Variants in HAT1 observed in about 807,000 individuals in gnomAD.
HAT1 encodes the protein histone acetyltransferase type B catalytic subunit.
Under a neutral mutation model 56.6 loss-of-function variants are expected in HAT1, and 20 were observed. The observed-to-expected ratio is 0.35, with a 90% CI of 0.25 to 0.51. The LOEUF (loss-of-function observed/expected upper bound fraction) is 0.51, where lower values mean the gene tolerates loss of function less well. Among genes scored for constraint, HAT1 ranks in the 20% least tolerant of loss-of-function variants. The pLI is 0.95. For missense variants in HAT1, 408 were observed against 504.3 expected, an observed-to-expected ratio of 0.81 and a Z score of 1.83; for synonymous variants, 146 against 165.5, an observed-to-expected ratio of 0.88 and a Z score of 0.91.
intron 3 of HAT1, among the ~76,000 whole-genome samples, chr2:171,951,181 G>A (rs1041837696): frequency 1.3e-5 from 2 of 152,118 alleles, no homozygotes; most frequent in Non-Finnish European, 1.5e-5. Context: ...CATTATTGAT[G>A]TATCAGATTA....
chr2:171,958,257 G>T (rs537994335), intron 4 of HAT1, among the ~76,000 whole-genome samples: 3 of 151,804 alleles, frequency 2.0e-5, no homozygotes, highest in Admixed American at 6.6e-5. Context: ...CTGATTAAAA[G>T]ATGTTAGGAA....
chr2:171,965,270 A>G (rs1263292798), intron 4 of HAT1, 68 bp from the exon 5 acceptor site: 9 of 935,932 alleles, frequency 9.6e-6, no homozygotes, highest in Non-Finnish European at 1.4e-5. Context: ...TGTCAGTTTT[A>G]AAGAAATAAA....
intron 2 of HAT1, 109 bp downstream of exon 2, chr2:171,925,750 A>G (rs765934069): frequency 2.6e-4 from 151 of 580,420 alleles, no homozygotes; most frequent in Middle Eastern, 4.4e-4. Context: ...ATTTATGCAA[A>G]TGTATGGTTT....
chr2:171,942,789 A>T (rs143579218), intron 2 of HAT1, among the ~76,000 whole-genome samples: 114 of 152,222 alleles, frequency 7.5e-4, no homozygotes, highest in Middle Eastern at 3.4e-3. Context: ...ACCAAATTTT[A>T]TGGGAAAATA....
intron 2 of HAT1, among the ~76,000 whole-genome samples, chr2:171,938,429 T>G (rs541719330): frequency 6.6e-6 from 1 of 152,286 alleles, no homozygotes; most frequent in African/African-American, 2.4e-5. Context: ...CATTGTACAC[T>G]TTTTCTATTT....
At chr2:171,957,543 C>T (rs374374624) in intron 4 of HAT1, among the ~76,000 whole-genome samples, 1 of 152,240 alleles carries the variant, frequency 6.6e-6, no homozygotes, top group South Asian at 2.1e-4. Context: ...AGAGGTGTGA[C>T]TTTTGAACTG....
chr2:171,954,807 C>T (rs539823857), intron 4 of HAT1, among the ~76,000 whole-genome samples: 185 of 152,268 alleles, frequency 1.2e-3, no homozygotes, highest in Non-Finnish European at 1.5e-3. Flanking sequence ...AAAAGCACTT[C>T]GCTGATGTAA....
chr2:171,930,377 C>T (rs988421514), intron 2 of HAT1, among the ~76,000 whole-genome samples: 3 of 152,064 alleles, frequency 2.0e-5, no homozygotes, highest in African/African-American at 7.2e-5. Context: ...GCCTTGTTAC[C>T]CAGACTGGTC....
intron 7 of HAT1, 113 bp from the exon 8 acceptor site, chr2:171,966,730 A>T (rs1006166078): frequency 3.1e-6 from 2 of 646,012 alleles, no homozygotes; most frequent in Middle Eastern, 4.1e-4. Context: ...TCAAAGGTGG[A>T]TTGAAAAAAA....
intron 3 of HAT1, among the ~76,000 whole-genome samples, chr2:171,949,008 T>C (rs892597561): frequency 1.3e-5 from 2 of 152,134 alleles, no homozygotes; most frequent in Admixed American, 6.6e-5. Context: ...ACCGAAAATA[T>C]CCTGTTTTCC....
rs1687858116 is a variant in HAT1, at chr2:171,973,016, C to T, written c.824-3141C>T. On this transcript the variant is annotated intron_variant, in intron 8 of 10. Coordinates refer to ENST00000264108, the MANE Select transcript of HAT1 (RefSeq NM_003642.4). ...GGGTTCTTCATGTCAATGAGCTGTT[C>T]TGTGCCTTTGTACTTTTGTTGGCAG... Among the ~76,000 whole-genome samples the T allele has an allele frequency of 2.0e-5, 3 of 152,292 alleles. No individual in the cohort carries two copies. The South Asian group carries it at 6.2e-4, about 32-fold the overall frequency.
intron 2 of HAT1, among the ~76,000 whole-genome samples, chr2:171,940,838 G>C (rs1436371243): frequency 6.6e-6 from 1 of 152,138 alleles, no homozygotes; most frequent in Non-Finnish European, 1.5e-5. Flanking sequence ...TTTAAATGCA[G>C]CTTTCTTTTT....
At position 171,979,235 on chromosome 2, in the gene HAT1, G is replaced by A; in HGVS notation, c.976-12G>A. ...TTTGAAAATGTTCGCATTTTCTTTTGTTTCATTCTAGCAACACGCTAGAAG... is the reference window on the plus strand; with the variant it reads ...TTTGAAAATGTTCGCATTTTCTTTTATTTCATTCTAGCAACACGCTAGAAG... On this transcript the variant is annotated splice_polypyrimidine_tract_variant and intron_variant, in intron 9 of 10. Coordinates refer to ENST00000264108, the MANE Select transcript of HAT1 (RefSeq NM_003642.4). The A allele has an allele frequency of 7.8e-7, 1 of 1,289,736 alleles. No homozygotes were observed. Among genetic ancestry groups the A allele is most frequent in the Non-Finnish European group, 1.1e-6 (1 of 914,210 alleles). 79.9% of individuals were successfully genotyped at this position (1,289,736 alleles called of 1,614,324 possible). A position where few individuals can be genotyped will look rare whatever the true frequency, so the allele number is the denominator to read the frequency against.
intron 4 of HAT1, among the ~76,000 whole-genome samples, chr2:171,961,546 G>A (rs1375180847): frequency 6.6e-6 from 1 of 151,130 alleles, no homozygotes; most frequent in African/African-American, 2.5e-5. Flanking sequence ...ATTTTATGGA[G>A]TGTTTAGCCT....
At chr2:171,970,779 A>G (rs1325560558) in intron 8 of HAT1, among the ~76,000 whole-genome samples, 2 of 145,892 alleles carry the variant, frequency 1.4e-5, no homozygotes, top group Non-Finnish European at 3.0e-5. Context: ...CGGCCTCCCC[A>G]AGTGCTGGGA....
rs1558959993 is a variant in HAT1, at chr2:171,925,596, G to A, written c.67G>A (p.Ala23Thr). The A allele has an allele frequency of 6.3e-7, 1 of 1,583,902 alleles. No homozygotes were observed. Among genetic ancestry groups the A allele is most frequent in the Non-Finnish European group, 8.7e-7 (1 of 1,152,658 alleles). The change falls in exon 2 of 11, where the codon GCA becomes ACA. Residue 23 changes from alanine (A) to threonine (T), a missense_variant. By Grantham distance (58) the Ala-to-Thr change is moderately conservative. Transcript: ENST00000264108. ...EYKSAVEKKL[A>T]EYKCNTNTAI... ...TAAGAGTGCAGTGGAGAAGAAACTG[G>A]CAGAGTACAAATGTAACACCAACAC...
At chr2:171,953,752 T>C (rs1687372880) in intron 4 of HAT1, among the ~76,000 whole-genome samples, 1 of 151,714 alleles carries the variant, frequency 6.6e-6, no homozygotes. Flanking sequence ...CCCAGCACTT[T>C]GGGAGGCCAA....
At chr2:171,965,587 C>A in intron 5 of HAT1, 70 bp downstream of exon 5, 2 of 1,107,642 alleles carry the variant, frequency 1.8e-6, no homozygotes, top group South Asian at 1.5e-5. Context: ...GTTTTGTTGT[C>A]AGTGATTTAT....
chr2:171,939,184 G>C (rs972619563), intron 2 of HAT1, among the ~76,000 whole-genome samples: 2 of 152,146 alleles, frequency 1.3e-5, no homozygotes, highest in Non-Finnish European at 2.9e-5. Flanking sequence ...TTGTGGTTGG[G>C]AATTAATGCT....
Sources: gnomAD v4.1 joint callset for allele counts (sites outside exome capture counted in the v4.1 genomes callset) on GRCh38, gnomAD v4.1.1 for gene constraint, MANE v1.5 for transcripts, NCBI Gene and HGNC (gene_info 2026-07-23, HGNC 2026-07-21) for gene names.